Variants in DYNC1I1 observed in about 807,000 individuals in gnomAD.
The protein encoded by DYNC1I1 is dynein cytoplasmic 1 intermediate chain 1, also known as cytoplasmic dynein 1 intermediate chain 1.
In DYNC1I1, 43 loss-of-function variants were observed where a neutral mutation model predicts 86.6. The ratio of observed to expected loss-of-function variants is 0.50; its 90% CI spans 0.39 to 0.64. The LOEUF (loss-of-function observed/expected upper bound fraction) is 0.64, where lower values mean the gene tolerates loss of function less well. DYNC1I1 is among the 30% of genes least tolerant of loss of function. The pLI is 0.00. For synonymous variants in DYNC1I1, 262 were observed against 283.7 expected, an observed-to-expected ratio of 0.92 and a Z score of 0.77; for missense variants, 604 against 788.8, an observed-to-expected ratio of 0.77 and a Z score of 2.81.
intron 10 of DYNC1I1, among the ~76,000 whole-genome samples, chr7:96,000,736 G>C (rs980079196): frequency 6.6e-6 from 1 of 152,150 alleles, no homozygotes; most frequent in East Asian, 1.9e-4. Flanking sequence ...CCCTCCTCTA[G>C]AGTCTTCTCC....
intron 6 of DYNC1I1, among the ~76,000 whole-genome samples, chr7:95,937,758 A>G (rs185376846): frequency 7.4e-4 from 113 of 152,188 alleles, no homozygotes; most frequent in African/African-American, 2.5e-3. Context: ...ATATTATTAT[A>G]CTTTACCTTT....
At chr7:96,083,985 C>T (rs1388870904) in intron 16 of DYNC1I1, among the ~76,000 whole-genome samples, 2 of 152,102 alleles carry the variant, frequency 1.3e-5, no homozygotes, top group South Asian at 4.1e-4. Flanking sequence ...TTCCTCAGTA[C>T]GTTGAATACA....
intron 6 of DYNC1I1, among the ~76,000 whole-genome samples, chr7:95,971,793 A>C (rs147820833): frequency 6.6e-6 from 1 of 152,174 alleles, no homozygotes; most frequent in Non-Finnish European, 1.5e-5. Flanking sequence ...ATTCAAAGTC[A>C]AAGTGGTAAT....
At chr7:96,004,646 G>GCACACACA (rs34562315) in intron 10 of DYNC1I1, among the ~76,000 whole-genome samples, 18 of 146,240 alleles carry the variant, frequency 1.2e-4, no homozygotes, top group African/African-American at 4.2e-4. Context: ...ATAAATGCAT[G>GCACACACA]CACACACACA....
At chr7:96,103,051 A>C (rs1451636348), downstream of DYNC1I1, among the ~76,000 whole-genome samples, 1 of 152,226 alleles carries the variant, frequency 6.6e-6, no homozygotes, top group Admixed American at 6.5e-5. Context: ...AGTAAGCTGC[A>C]TGAGCAAGTA....
intron 6 of DYNC1I1, among the ~76,000 whole-genome samples, chr7:95,932,153 A>G (rs17167247): frequency 0.012 from 1,795 of 152,326 alleles, 35 homozygotes; most frequent in African/African-American, 0.04. Context: ...CATATTGTCC[A>G]TAGCAGGATA....
At chr7:95,999,781 T>C (rs115443060) in intron 10 of DYNC1I1, among the ~76,000 whole-genome samples, 3,193 of 152,184 alleles carry the variant, frequency 0.021, 125 homozygotes, top group African/African-American at 0.072. Context: ...GGGGGCTTTA[T>C]TGTTGTGTTT....
chr7:95,852,481 G>A (rs1303309536), intron 5 of DYNC1I1, among the ~76,000 whole-genome samples: 1 of 151,508 alleles, frequency 6.6e-6, no homozygotes, highest in Non-Finnish European at 1.5e-5. Flanking sequence ...TGTTTTTCTA[G>A]TCTTTATTTT....
intron 14 of DYNC1I1, 122 bp from the exon 15 acceptor site, chr7:96,075,935 G>C: frequency 2.2e-6 from 3 of 1,357,894 alleles, no homozygotes; most frequent in Non-Finnish European, 3.0e-6. Context: ...ACCTTCTCGA[G>C]GACTTTCATC....
chr7:96,043,339 C>T (rs1006215949), intron 14 of DYNC1I1, among the ~76,000 whole-genome samples: 3 of 152,022 alleles, frequency 2.0e-5, no homozygotes, highest in African/African-American at 7.2e-5. Flanking sequence ...TAGGCTTACA[C>T]TCAAAATTGA....
At chr7:95,841,131 A>G (rs1789268474) in intron 5 of DYNC1I1, among the ~76,000 whole-genome samples, 1 of 152,222 alleles carries the variant, frequency 6.6e-6, no homozygotes, top group Non-Finnish European at 1.5e-5. Flanking sequence ...TTCTTGGAAC[A>G]GACAAGCTAG....
chr7:96,100,155 C>T (rs1791105838), downstream of DYNC1I1, among the ~76,000 whole-genome samples: 1 of 152,162 alleles, frequency 6.6e-6, no homozygotes. Flanking sequence ...CATGCTCTTG[C>T]CAGCCAAGAC....
At chr7:95,785,638 C>A (rs1794110866) in intron 1 of DYNC1I1, among the ~76,000 whole-genome samples, 1 of 151,342 alleles carries the variant, frequency 6.6e-6, no homozygotes, top group Non-Finnish European at 1.5e-5. Context: ...CAGAAACCCC[C>A]AATACCATAT....
intron 11 of DYNC1I1, among the ~76,000 whole-genome samples, chr7:96,032,411 C>G (rs1018113337): frequency 6.6e-6 from 1 of 152,130 alleles, no homozygotes; most frequent in Admixed American, 6.6e-5. Context: ...TTTGTTCTAG[C>G]GTCCTTCTGT....
At chr7:96,018,268 G>A (rs1434767176) in intron 10 of DYNC1I1, among the ~76,000 whole-genome samples, 1 of 152,206 alleles carries the variant, frequency 6.6e-6, no homozygotes, top group Non-Finnish European at 1.5e-5. Flanking sequence ...AAGAGAAAAG[G>A]CACCTGCATT....
At chr7:95,838,871 G>A (rs1329121197) in intron 5 of DYNC1I1, among the ~76,000 whole-genome samples, 2 of 152,102 alleles carry the variant, frequency 1.3e-5, no homozygotes, top group African/African-American at 4.8e-5. Flanking sequence ...ATTAATTTTT[G>A]TGGAGTCTAT....
At chr7:95,987,524 T>G (rs1212387333) in intron 9 of DYNC1I1, among the ~76,000 whole-genome samples, 2 of 152,182 alleles carry the variant, frequency 1.3e-5, no homozygotes, top group Non-Finnish European at 2.9e-5. Flanking sequence ...CTCTTTCCAT[T>G]GAATTCTCAC....
rs116443998 is a variant in DYNC1I1 at position 95,865,112 on chromosome 7, G to A, written c.375-4771G>A. Among the ~76,000 whole-genome samples the A allele has an allele frequency of 2.8e-3, 428 of 152,172 alleles. 3 individuals carry two copies. Among genetic ancestry groups the A allele is most frequent in the African/African-American group, 0.01 (416 of 41,508 alleles). On this transcript the variant is annotated intron_variant, in intron 5 of 16. Coordinates refer to ENST00000447467, the MANE Select transcript of DYNC1I1 (RefSeq NM_001135556.2). ...TCTCCCAAGTGGCACTGCTGCTGGTGGGGTCAGGCACCACACTTTGGGAAT... is the reference window on the plus strand; with the variant it reads ...TCTCCCAAGTGGCACTGCTGCTGGTAGGGTCAGGCACCACACTTTGGGAAT...
intron 6 of DYNC1I1, among the ~76,000 whole-genome samples, chr7:95,904,604 T>C (rs572686053): frequency 2.3e-5 from 3 of 132,640 alleles, no homozygotes; most frequent in African/African-American, 6.2e-5. Flanking sequence ...AAAATACATA[T>C]GTATGTATAC....
Sources: gnomAD v4.1 joint callset for allele counts (sites outside exome capture counted in the v4.1 genomes callset) on GRCh38, gnomAD v4.1.1 for gene constraint, MANE v1.5 for transcripts, NCBI Gene and HGNC (gene_info 2026-07-23, HGNC 2026-07-21) for gene names.